The following RANBP9 variants were observed in gnomAD, a reference collection of about 807,000 sequenced individuals.
RANBP9 encodes RAN binding protein 9, also known as ran-binding protein 9.
In RANBP9, 15 loss-of-function variants were observed where a neutral mutation model predicts 84.3. The observed-to-expected ratio is 0.18, with a 90% CI of 0.12 to 0.27. RANBP9 has a LOEUF of 0.27. Ranked by LOEUF, RANBP9 falls within the 10% of genes least tolerant of loss-of-function variation. The probability of loss-of-function intolerance (pLI) is 1.00; values close to 1 mark genes in which losing one functional copy is unlikely to be tolerated. For missense variants in RANBP9, 809 were observed against 912.8 expected (o/e 0.89, Z 1.46); for synonymous variants, 392 against 349.6 (o/e 1.12, Z -1.35).
intron 9 of RANBP9, among the ~76,000 whole-genome samples, chr6:13,638,517 A>G: frequency 6.6e-6 from 1 of 152,064 alleles, no homozygotes; most frequent in East Asian, 1.9e-4. Context: ...ATGGGCAAAC[A>G]GAAGACTGAG....
chr6:13,695,829 C>T (rs1185188567), intron 2 of RANBP9, among the ~76,000 whole-genome samples: 2 of 151,896 alleles, frequency 1.3e-5, no homozygotes, highest in Admixed American at 6.6e-5. Context: ...AATATTCAGC[C>T]GATAAAGGAG....
At chr6:13,687,881 C>T (rs1766225746) in intron 2 of RANBP9, among the ~76,000 whole-genome samples, 2 of 152,202 alleles carry the variant, frequency 1.3e-5, no homozygotes, top group Non-Finnish European at 2.9e-5. Context: ...TAAAAGGTAA[C>T]ACCCATTAGC....
intron 12 of RANBP9, among the ~76,000 whole-genome samples, chr6:13,626,919 A>G (rs9382303): frequency 0.089 from 13,518 of 152,242 alleles, 1,026 homozygotes; most frequent in East Asian, 0.4. Context: ...AGCCTCTAAT[A>G]TTGTGGATTT....
At chr6:13,682,141 C>T (rs760165159) in intron 2 of RANBP9, among the ~76,000 whole-genome samples, 2 of 151,742 alleles carry the variant, frequency 1.3e-5, no homozygotes, top group African/African-American at 2.4e-5. Flanking sequence ...GGATTACAGG[C>T]GTGAGCCACC....
At chr6:13,666,397 C>T (rs1198788082) in intron 2 of RANBP9, among the ~76,000 whole-genome samples, 1 of 151,654 alleles carries the variant, frequency 6.6e-6, no homozygotes, top group East Asian at 1.9e-4. Flanking sequence ...GGATTGGAAG[C>T]ACAGCATGCA....
At chr6:13,647,529 CATATT>C (rs1765198187) in intron 5 of RANBP9, among the ~76,000 whole-genome samples, 1 of 152,000 alleles carries the variant, frequency 6.6e-6, no homozygotes. Flanking sequence ...CAAGGTATAA[CATATT>C]GTATATGGTA....
chr6:13,660,550 C>T (rs1304382599), intron 2 of RANBP9, among the ~76,000 whole-genome samples: 2 of 152,104 alleles, frequency 1.3e-5, no homozygotes, highest in African/African-American at 4.8e-5. Context: ...AGGAGGACAA[C>T]CTTTCTAAAA....
At chr6:13,660,592 C>T (rs1765519723) in intron 2 of RANBP9, among the ~76,000 whole-genome samples, 1 of 152,160 alleles carries the variant, frequency 6.6e-6, no homozygotes, top group South Asian at 2.1e-4. Flanking sequence ...CATTTCAAGA[C>T]ATATTCCAAC....
intron 13 of RANBP9, among the ~76,000 whole-genome samples, chr6:13,624,991 T>C (rs536748622): frequency 1.9e-4 from 29 of 152,260 alleles, no homozygotes; most frequent in African/African-American, 6.3e-4. Context: ...AGCAAAATGG[T>C]TGGGAACCAG....
chr6:13,711,213 G>A lies in RANBP9; in HGVS notation c.293C>T (p.Pro98Leu), dbSNP rs1304224540. The change falls in exon 1 of 14, where the codon CCC becomes CTC. Residue 98 changes from proline to leucine, a missense_variant. By Grantham distance (98) the Pro-to-Leu change is moderately conservative (BLOSUM62 -3). Transcript: ENST00000011619. ...CGGGGGAGCGGGCGGCCCGCTGGCG[G>A]GGGCAGCCGCTGAGGCAGGGGGAGG... ...PPPPPASAAA[P>L]ASGPPAPPGL... is the part of the protein sequence containing the mutation. The A allele has an allele frequency of 1.4e-5, 16 of 1,177,418 alleles. No individual in the cohort carries two copies. The East Asian group carries it at 6.0e-4, about 44-fold the overall frequency. The allele number at this position is 1,177,418 out of a possible 1,614,324, so 72.9% of individuals were successfully genotyped here.
rs762385500 is a variant in RANBP9, at chr6:13,634,438, G to A, written c.1788C>T (p.Thr596=). 83 of 1,612,848 alleles carry A rather than the reference G, an allele frequency of 5.1e-5. No homozygotes were observed. In the Admixed American group the frequency reaches 7.3e-4, roughly 14 times the overall value. ...AGAAATATCACTGCAGACCCATTTCGGTGTCACAATCTTCCATTTCGTGGT... is the reference window on the plus strand; with the variant it reads ...AGAAATATCACTGCAGACCCATTTCAGTGTCACAATCTTCCATTTCGTGGT... ...KHDHEMEDCD[T]EMEVDSSQLR... Residue 596 remains threonine, a synonymous_variant, in exon 11 of 14, where the codon ACC becomes ACT. Coordinates refer to ENST00000011619, the MANE Select transcript of RANBP9 (RefSeq NM_005493.3).
chr6:13,708,819 TCACACACACACACA>T (rs70989879), intron 1 of RANBP9, among the ~76,000 whole-genome samples: 2 of 140,932 alleles, frequency 1.4e-5, no homozygotes, highest in East Asian at 2.1e-4. Context: ...AACGGAAAAC[TCACACACACACACA>T]CACACACACA....
chr6:13,710,083 AC>A (rs1758234882), intron 1 of RANBP9, among the ~76,000 whole-genome samples: 1 of 152,222 alleles, frequency 6.6e-6, no homozygotes, highest in South Asian at 2.1e-4. Flanking sequence ...AATTTTATAT[AC>A]AACTGATTTG....
chr6:13,672,857 AAAC>A (rs1018980651), intron 2 of RANBP9, among the ~76,000 whole-genome samples: 1 of 152,188 alleles, frequency 6.6e-6, no homozygotes, highest in Non-Finnish European at 1.5e-5. Flanking sequence ...AGACTAAAAA[AAAC>A]AACAATCAGT....
intron 6 of RANBP9, 138 bp downstream of exon 6, chr6:13,644,407 G>T: frequency 1.3e-6 from 1 of 796,306 alleles, no homozygotes; most frequent in Non-Finnish European, 1.8e-6. Context: ...TTTTCGTTGA[G>T]AGATTAAAAT....
intron 8 of RANBP9, among the ~76,000 whole-genome samples, chr6:13,640,462 C>T (rs973407576): frequency 6.6e-6 from 1 of 152,102 alleles, no homozygotes; most frequent in Non-Finnish European, 1.5e-5. Context: ...CACCTATGTT[C>T]ACAGCAGAAT....
In RANBP9 at chr6:13,637,898, T is replaced by A. The variant is rs765101774; in HGVS notation, c.1583A>T (p.His528Leu). 1 of 1,609,444 alleles carries A rather than the reference T, an allele frequency of 6.2e-7. No homozygotes were observed. Among genetic ancestry groups the A allele is most frequent in the Admixed American group, 1.7e-5 (1 of 59,906 alleles). Residue 528 changes from histidine (H) to leucine (L), a missense_variant, in exon 10 of 14, where the codon CAT becomes CTT. His to Leu is a moderately conservative substitution (Grantham distance 99, BLOSUM62 -3). This residue lies in a region of RANBP9 where 216 missense variants were observed against 329.0 expected (regional missense o/e 0.66). Coordinates refer to ENST00000011619, the MANE Select transcript of RANBP9 (RefSeq NM_005493.3). ...GTTGGATGACTGGTGTTTATTACTA[T>A]GGCAATATGATTGATGTGCTTTATT... ...ISNKAHQSYCHSNKHQSSNLN... is the reference protein window; with the variant it reads ...ISNKAHQSYCLSNKHQSSNLN...
chr6:13,671,953 A>G (rs879641656), intron 2 of RANBP9, among the ~76,000 whole-genome samples: 3 of 152,186 alleles, frequency 2.0e-5, no homozygotes, highest in Non-Finnish European at 4.4e-5. Context: ...CACCTCCAGA[A>G]AAACTGAAGA....
At chr6:13,638,806 C>A (rs1019900843) in intron 9 of RANBP9, among the ~76,000 whole-genome samples, 16 of 151,308 alleles carry the variant, frequency 1.1e-4, no homozygotes, top group Non-Finnish European at 1.9e-4. Context: ...TGGGAGAAAA[C>A]GAACTAGGCA....
Sources: gnomAD v4.1 joint callset for allele counts (sites outside exome capture counted in the v4.1 genomes callset) on GRCh38, gnomAD v4.1.1 for gene constraint, gnomAD v4.1.1 regional missense constraint, MANE v1.5 for transcripts, NCBI Gene and HGNC (gene_info 2026-07-23, HGNC 2026-07-21) for gene names.